NTRK2: variants seen among roughly 807,000 people sequenced by gnomAD.
NTRK2 encodes the protein BDNF/NT-3 growth factors receptor.
Under a neutral mutation model 94.5 loss-of-function variants are expected in NTRK2, and 13 were observed. The ratio of observed to expected loss-of-function variants is 0.14; its 90% confidence interval spans 0.09 to 0.22. NTRK2 has a LOEUF of 0.22. Among genes scored for constraint, NTRK2 ranks in the 10% least tolerant of loss-of-function variants. The pLI, the probability that NTRK2 is intolerant of heterozygous loss-of-function variation, is 1.00. For missense variants in NTRK2, 639 were observed against 1,071.2 expected, an observed-to-expected ratio of 0.60 and a Z score of 5.63; for synonymous variants, 372 against 407.4, an observed-to-expected ratio of 0.91 and a Z score of 1.05.
At position 85,025,233 on chromosome 9, in the gene NTRK2, G is replaced by T. The variant is rs543458973; in HGVS notation, c.*3796G>T. 100 of 233,056 alleles carry T rather than the reference G, an allele frequency of 4.3e-4. No homozygotes were observed. The highest frequency in any genetic ancestry group is 6.7e-4 in the Non-Finnish European group (79 of 117,938). 14.4% of individuals were successfully genotyped at this position (233,056 alleles called of 1,614,324 possible). A position where few individuals can be genotyped will look rare whatever the true frequency, so the allele number is the denominator to read the frequency against. ...CCCACTACATTGAGTGCTTTCTCTG[G>T]CTCCTTGCAAAGAAAGATACTTTTT... is the stretch of plus-strand genomic sequence containing the variant. On this transcript the variant is annotated 3_prime_UTR_variant, in exon 19 of 19. Coordinates refer to ENST00000277120, the MANE Select transcript of NTRK2 (RefSeq NM_006180.6).
At chr9:84,823,395 G>T (rs58089830) in intron 12 of NTRK2, among the ~76,000 whole-genome samples, 61 of 152,306 alleles carry the variant, frequency 4.0e-4, no homozygotes, top group African/African-American at 1.4e-3. Context: ...GGACCAAGTC[G>T]GAGTGGTACA....
chr9:84,978,409 A>C (rs1354163046), intron 17 of NTRK2, among the ~76,000 whole-genome samples: 7 of 152,230 alleles, frequency 4.6e-5, no homozygotes, highest in Non-Finnish European at 1.0e-4. Context: ...CCCTTAAACC[A>C]AAGCCAAATT....
At chr9:84,805,541 C>T (rs1270710946) in intron 12 of NTRK2, among the ~76,000 whole-genome samples, 1 of 152,214 alleles carries the variant, frequency 6.6e-6, no homozygotes, top group East Asian at 1.9e-4. Context: ...TGGACTCACC[C>T]AGTTGCCAAT....
intron 17 of NTRK2, among the ~76,000 whole-genome samples, chr9:84,988,750 A>G (rs1219363109): frequency 6.6e-6 from 1 of 152,218 alleles, no homozygotes; most frequent in Non-Finnish European, 1.5e-5. Context: ...TGCCTGTGCT[A>G]CAGGAAGGAC....
chr9:84,861,786 C>G (rs568456627), intron 13 of NTRK2, among the ~76,000 whole-genome samples: 32 of 152,248 alleles, frequency 2.1e-4, no homozygotes, highest in African/African-American at 5.8e-4. Flanking sequence ...ATTCTTACAT[C>G]TTTCATGTGG....
chr9:84,696,490 G>T (rs1027383940), intron 2 of NTRK2, among the ~76,000 whole-genome samples: 1 of 152,138 alleles, frequency 6.6e-6, no homozygotes, highest in Non-Finnish European at 1.5e-5. Flanking sequence ...GTCCTATGAC[G>T]GTGATAAACT....
chr9:84,886,234 A>C (rs1034810884), intron 14 of NTRK2, among the ~76,000 whole-genome samples: 1 of 152,198 alleles, frequency 6.6e-6, no homozygotes, highest in African/African-American at 2.4e-5. Context: ...ACACAAAGAA[A>C]TTCACCCAAA....
At chr9:84,802,817 T>C (rs1267745056) in intron 12 of NTRK2, among the ~76,000 whole-genome samples, 2 of 152,164 alleles carry the variant, frequency 1.3e-5, no homozygotes, top group Non-Finnish European at 2.9e-5. Context: ...GATCTGCCGT[T>C]GACAGTATCC....
intron 15 of NTRK2, among the ~76,000 whole-genome samples, chr9:84,937,170 T>G (rs1409166582): frequency 6.6e-6 from 1 of 152,194 alleles, no homozygotes; most frequent in Non-Finnish European, 1.5e-5. Context: ...AAGGGATTTT[T>G]TAAAGGAATG....
intron 12 of NTRK2, among the ~76,000 whole-genome samples, chr9:84,760,993 T>C (rs543284040): frequency 5.8e-4 from 89 of 152,312 alleles, no homozygotes; most frequent in African/African-American, 1.9e-3. Flanking sequence ...TTTATATTAT[T>C]ATAACCACAG....
intron 14 of NTRK2, among the ~76,000 whole-genome samples, chr9:84,895,934 C>G (rs1228570302): frequency 6.6e-6 from 1 of 152,230 alleles, no homozygotes; most frequent in East Asian, 1.9e-4. Flanking sequence ...ATATTATTCA[C>G]TTGCAGAGGC....
At chr9:84,922,775 CTT>C in intron 14 of NTRK2, among the ~76,000 whole-genome samples, 1 of 152,204 alleles carries the variant, frequency 6.6e-6, no homozygotes, top group Admixed American at 6.5e-5. Context: ...ATCCTTGAGT[CTT>C]CCACAGCACC....
At chr9:85,017,710 T>C (rs1338606354) in intron 17 of NTRK2, among the ~76,000 whole-genome samples, 2 of 152,210 alleles carry the variant, frequency 1.3e-5, no homozygotes, top group Non-Finnish European at 2.9e-5. Flanking sequence ...TCTAGGAACT[T>C]CTGGGGTTGT....
chr9:84,814,654 C>T, intron 12 of NTRK2: 1 of 1,065,506 alleles, frequency 9.4e-7, no homozygotes, highest in Non-Finnish European at 1.1e-6. Context: ...TAGAACTTCT[C>T]TCTTGGTTTG....
intron 2 of NTRK2, among the ~76,000 whole-genome samples, chr9:84,701,827 AGAG>A (rs2060744768): frequency 3.9e-5 from 6 of 152,210 alleles, no homozygotes; most frequent in Admixed American, 2.6e-4. Context: ...AACACCTTTG[AGAG>A]GAGTAGATGC....
intron 14 of NTRK2, among the ~76,000 whole-genome samples, chr9:84,907,235 A>G (rs1042380456): frequency 6.6e-6 from 1 of 152,218 alleles, no homozygotes; most frequent in African/African-American, 2.4e-5. Flanking sequence ...GCAGGTTTCT[A>G]CTAGATCATG....
intron 12 of NTRK2, among the ~76,000 whole-genome samples, chr9:84,762,551 C>A (rs1027801090): frequency 6.6e-6 from 1 of 152,128 alleles, no homozygotes; most frequent in African/African-American, 2.4e-5. Flanking sequence ...ATTATGTAAT[C>A]GTTTATCCCT....
At chr9:84,872,967 C>G in intron 14 of NTRK2, 1 of 1,064,650 alleles carries the variant, frequency 9.4e-7, no homozygotes, top group Non-Finnish European at 1.1e-6. Context: ...TTCACAGAAC[C>G]GCAGAGGTTT....
chr9:84,774,204 A>T (rs1467748987), intron 12 of NTRK2, among the ~76,000 whole-genome samples: 1 of 152,194 alleles, frequency 6.6e-6, no homozygotes, highest in Non-Finnish European at 1.5e-5. Flanking sequence ...TCAGGCTTCA[A>T]TGGAGGGGAC....
Sources: gnomAD v4.1 joint callset for allele counts (sites outside exome capture counted in the v4.1 genomes callset) on GRCh38, gnomAD v4.1.1 for gene constraint, MANE v1.5 for transcripts, NCBI Gene and HGNC (gene_info 2026-07-23, HGNC 2026-07-21) for gene names.